ERC2: variants seen among roughly 807,000 people sequenced by gnomAD.
ERC2 encodes the protein ELKS/RAB6-interacting/CAST family member 2.
In ERC2, 42 loss-of-function variants were observed where a neutral mutation model predicts 114.8. That is an observed-to-expected ratio of 0.37 (90% CI 0.29 to 0.47). The LOEUF (loss-of-function observed/expected upper bound fraction) is 0.47, where lower values mean the gene tolerates loss of function less well. Ranked by LOEUF, ERC2 falls within the 20% of genes least tolerant of loss-of-function variation. The probability of loss-of-function intolerance (pLI) is 0.99; values close to 1 mark genes in which losing one functional copy is unlikely to be tolerated. For synonymous variants in ERC2, 454 were observed against 425.5 expected, an observed-to-expected ratio of 1.07 and a Z score of -0.82; for missense variants, 939 against 1,150.7, an observed-to-expected ratio of 0.82 and a Z score of 2.66.
chr3:56,054,917 G>A (rs980602519), intron 7 of ERC2, among the ~76,000 whole-genome samples: 7 of 152,106 alleles, frequency 4.6e-5, no homozygotes, highest in African/African-American at 1.7e-4. Flanking sequence ...ATCAAAAAGC[G>A]ATTAAGATCT....
At chr3:56,318,180 G>A (rs1576411668) in intron 2 of ERC2, among the ~76,000 whole-genome samples, 1 of 152,226 alleles carries the variant, frequency 6.6e-6, no homozygotes, top group East Asian at 1.9e-4. Flanking sequence ...TCATTAAAAT[G>A]TATGTCTGTC....
intron 14 of ERC2, among the ~76,000 whole-genome samples, chr3:55,795,736 G>T (rs547148085): frequency 5.8e-4 from 89 of 152,318 alleles, no homozygotes; most frequent in African/African-American, 2.1e-3. Context: ...TGAATCTGGG[G>T]ACTGCCACTT....
chr3:55,986,155 C>T (rs2070616056), intron 11 of ERC2, among the ~76,000 whole-genome samples, 167 bp from the exon 12 acceptor site: 1 of 152,132 alleles, frequency 6.6e-6, no homozygotes, highest in Non-Finnish European at 1.5e-5. Context: ...TCTTATATTA[C>T]CCCCAAAAGC....
intron 12 of ERC2, chr3:55,955,188 A>C: frequency 1.9e-6 from 1 of 514,956 alleles, no homozygotes; most frequent in Non-Finnish European, 3.9e-6. Flanking sequence ...GTCATGACTG[A>C]AGAAGGGAAT....
At chr3:55,802,495 A>G (rs1455444846) in intron 14 of ERC2, among the ~76,000 whole-genome samples, 1 of 152,228 alleles carries the variant, frequency 6.6e-6, no homozygotes, top group Non-Finnish European at 1.5e-5. Context: ...TACCTTGACA[A>G]ATATTTTGAT....
intron 13 of ERC2, among the ~76,000 whole-genome samples, chr3:55,912,283 C>T (rs935372372): frequency 6.6e-6 from 1 of 152,044 alleles, no homozygotes; most frequent in African/African-American, 2.4e-5. Flanking sequence ...TTGATGGTTG[C>T]CAGTGCGAGT....
intron 6 of ERC2, among the ~76,000 whole-genome samples, chr3:56,095,246 A>C (rs2077999724): frequency 6.6e-6 from 1 of 152,168 alleles, no homozygotes; most frequent in Non-Finnish European, 1.5e-5. Flanking sequence ...AAAAAGTATT[A>C]ATATAGATAT....
intron 14 of ERC2, among the ~76,000 whole-genome samples, chr3:55,740,851 C>T (rs551865170): frequency 2.0e-5 from 3 of 152,084 alleles, no homozygotes; most frequent in Non-Finnish European, 4.4e-5. Context: ...ACCCCAAATC[C>T]AAAGTACTCC....
Position 56,155,470 on chromosome 3 carries a change from C to T in ERC2, c.1150-6338G>A, listed in dbSNP as rs116756698. On this transcript the variant is annotated intron_variant, in intron 4 of 17. Coordinates refer to ENST00000288221, the MANE Select transcript of ERC2 (RefSeq NM_015576.3). ...TTGGGCCCTTATAACATCATTTGAA[C>T]AGCTATATATAGCTACATTTGAACC... Among the ~76,000 whole-genome samples, 274 of 151,592 alleles carry T rather than the reference C, an allele frequency of 1.8e-3. 4 individuals carry two copies. Among genetic ancestry groups the T allele is most frequent in the African/African-American group, 6.5e-3 (267 of 41,290 alleles).
At chr3:55,983,372 G>T (rs540988198) in intron 12 of ERC2, among the ~76,000 whole-genome samples, 1 of 152,096 alleles carries the variant, frequency 6.6e-6, no homozygotes, top group African/African-American at 2.4e-5. Flanking sequence ...AAAGTTTCAC[G>T]TAAACCCTCC....
intron 14 of ERC2, among the ~76,000 whole-genome samples, chr3:55,739,862 T>C (rs984503422): frequency 1.3e-5 from 2 of 152,188 alleles, no homozygotes; most frequent in African/African-American, 4.8e-5. Flanking sequence ...ATTGCCTAGG[T>C]TTTCTTCTAG....
intron 7 of ERC2, among the ~76,000 whole-genome samples, chr3:56,065,730 T>C (rs972477278): frequency 6.6e-6 from 1 of 152,032 alleles, no homozygotes; most frequent in African/African-American, 2.4e-5. Context: ...CCCTGGTGTG[T>C]GTTGTTCCTC....
intron 17 of ERC2, among the ~76,000 whole-genome samples, chr3:55,588,421 A>T (rs997324091): frequency 6.6e-6 from 1 of 152,234 alleles, no homozygotes; most frequent in Admixed American, 6.5e-5. Flanking sequence ...GAACAAAGGG[A>T]TCCTAAAGAC....
chr3:56,445,552 A>G (rs1416223570), intron 1 of ERC2, among the ~76,000 whole-genome samples: 2 of 152,196 alleles, frequency 1.3e-5, no homozygotes, highest in Non-Finnish European at 2.9e-5. Flanking sequence ...CGATTATAAA[A>G]TATCTCCCCT....
chr3:56,013,227 T>A (rs2073077093), intron 8 of ERC2, among the ~76,000 whole-genome samples: 1 of 152,212 alleles, frequency 6.6e-6, no homozygotes, highest in Admixed American at 6.5e-5. Flanking sequence ...TAGGATGCCA[T>A]AATCCAGGGG....
chr3:56,329,050 T>C (rs1050873961), intron 2 of ERC2, among the ~76,000 whole-genome samples: 1 of 152,240 alleles, frequency 6.6e-6, no homozygotes, highest in African/African-American at 2.4e-5. Context: ...TCTCTATTTA[T>C]TTCCACTATA....
intron 3 of ERC2, among the ~76,000 whole-genome samples, chr3:56,270,015 C>T (rs1405846777): frequency 2.0e-5 from 3 of 152,024 alleles, no homozygotes; most frequent in Admixed American, 6.6e-5. Context: ...TAACAACAAA[C>T]AGCAGATGTC....
chr3:56,251,707 G>GAAATGCTGTGGAAAAT (rs2052166574), intron 3 of ERC2, among the ~76,000 whole-genome samples: 1 of 152,200 alleles, frequency 6.6e-6, no homozygotes, highest in Non-Finnish European at 1.5e-5. Context: ...CATGCTAGGT[G>GAAATGCTGTGGAAAAT]AAATGCTGTG....
At chr3:55,931,267 A>G (rs2066064574) in intron 13 of ERC2, among the ~76,000 whole-genome samples, 1 of 152,222 alleles carries the variant, frequency 6.6e-6, no homozygotes, top group African/African-American at 2.4e-5. Flanking sequence ...TACCCAAAGG[A>G]TTATAAATCA....
Sources: gnomAD v4.1 joint callset for allele counts (sites outside exome capture counted in the v4.1 genomes callset) on GRCh38, gnomAD v4.1.1 for gene constraint, MANE v1.5 for transcripts, NCBI Gene and HGNC (gene_info 2026-07-23, HGNC 2026-07-21) for gene names.